The following LRRTM4 variants were observed in gnomAD, a reference collection of about 807,000 sequenced individuals.
LRRTM4 encodes leucine rich repeat transmembrane neuronal 4.
A neutral mutation model predicts 47.6 loss-of-function variants in LRRTM4; 25 were observed. That is an observed-to-expected ratio of 0.53 (90% CI 0.38 to 0.73). LRRTM4 has a LOEUF of 0.73. Among genes scored for constraint, LRRTM4 ranks in the 30% least tolerant of loss-of-function variants. LRRTM4 has a pLI of 0.00. For synonymous variants in LRRTM4, 311 were observed against 269.5 expected (o/e 1.15, Z -1.51); for missense variants, 638 against 713.4 (o/e 0.89, Z 1.20).
intron 3 of LRRTM4, among the ~76,000 whole-genome samples, chr2:76,964,670 T>A (rs746041007): frequency 2.1e-5 from 3 of 142,498 alleles, no homozygotes; most frequent in East Asian, 2.0e-4. Context: ...TCTTCCTTAC[T>A]TTAGGAAATT....
chr2:77,187,030 G>A (rs73940387), intron 3 of LRRTM4, among the ~76,000 whole-genome samples: 8,045 of 152,172 alleles, frequency 0.053, 688 homozygotes, highest in African/African-American at 0.18. Flanking sequence ...CAGTACAAGT[G>A]CAGCTGCCTC....
intron 3 of LRRTM4, among the ~76,000 whole-genome samples, chr2:77,135,219 G>C (rs1057249429): frequency 3.3e-5 from 5 of 152,206 alleles, no homozygotes; most frequent in African/African-American, 9.6e-5. Context: ...ACTACTCATA[G>C]GTTGAATAGC....
intron 3 of LRRTM4, among the ~76,000 whole-genome samples, chr2:76,788,154 A>G (rs1379199047): frequency 6.6e-6 from 1 of 152,144 alleles, no homozygotes; most frequent in African/African-American, 2.4e-5. Context: ...CTGTAGTAGG[A>G]GAACCAAGTA....
intron 3 of LRRTM4, among the ~76,000 whole-genome samples, chr2:76,908,259 T>C (rs1673921297): frequency 6.6e-6 from 1 of 152,078 alleles, no homozygotes; most frequent in Non-Finnish European, 1.5e-5. Context: ...ATTATCTCAA[T>C]AGATGCAGAA....
intron 3 of LRRTM4, among the ~76,000 whole-genome samples, chr2:77,161,373 T>C (rs1193926968): frequency 6.6e-6 from 1 of 152,122 alleles, no homozygotes; most frequent in East Asian, 1.9e-4. Context: ...CCTCTGCCAG[T>C]CAAATCATTC....
At chr2:76,824,155 G>A (rs1050496576) in intron 3 of LRRTM4, among the ~76,000 whole-genome samples, 1 of 151,518 alleles carries the variant, frequency 6.6e-6, no homozygotes, top group Non-Finnish European at 1.5e-5. Context: ...TGCAAATCGT[G>A]TCTTGTCTGG....
At chr2:77,195,631 T>C (rs1484074215) in intron 3 of LRRTM4, among the ~76,000 whole-genome samples, 3 of 152,150 alleles carry the variant, frequency 2.0e-5, no homozygotes, top group African/African-American at 7.2e-5. Context: ...ATTATGTAGA[T>C]ATATAAAATC....
intron 3 of LRRTM4, among the ~76,000 whole-genome samples, chr2:76,798,444 C>G (rs1675476630): frequency 6.6e-6 from 1 of 150,610 alleles, no homozygotes; most frequent in African/African-American, 2.4e-5. Flanking sequence ...GGGACGCATT[C>G]AAAGCAGTGT....
chr2:76,782,094 A>C (rs866906916), intron 3 of LRRTM4, among the ~76,000 whole-genome samples: 26 of 150,960 alleles, frequency 1.7e-4, no homozygotes, highest in South Asian at 4.1e-4. Context: ...ATTATATTAG[A>C]GTCCATATGT....
chr2:77,190,848 G>C (rs2103878188), intron 3 of LRRTM4, among the ~76,000 whole-genome samples: 1 of 152,258 alleles, frequency 6.6e-6, no homozygotes, highest in South Asian at 2.1e-4. Context: ...AGCCTAATAA[G>C]TGTTATGTGG....
chr2:76,982,636 A>C (rs999579642), intron 3 of LRRTM4, among the ~76,000 whole-genome samples: 1 of 152,020 alleles, frequency 6.6e-6, no homozygotes, highest in African/African-American at 2.4e-5. Context: ...GTGAGGAACC[A>C]AGAGTGAATT....
intron 3 of LRRTM4, among the ~76,000 whole-genome samples, chr2:76,928,540 G>C (rs1370944290): frequency 6.6e-6 from 1 of 152,062 alleles, no homozygotes; most frequent in Non-Finnish European, 1.5e-5. Flanking sequence ...AACATTGAGG[G>C]CAAATATGGG....
intron 3 of LRRTM4, among the ~76,000 whole-genome samples, chr2:77,433,567 A>C: frequency 6.6e-6 from 1 of 152,198 alleles, no homozygotes; most frequent in Non-Finnish European, 1.5e-5. Context: ...GTGTGTAGGA[A>C]AGCAAGATGA....
chr2:77,284,624 C>T (rs1011636399), intron 3 of LRRTM4, among the ~76,000 whole-genome samples: 4 of 152,028 alleles, frequency 2.6e-5, no homozygotes, highest in African/African-American at 4.8e-5. Flanking sequence ...CTCTATTCTG[C>T]AGGTAATTAA....
chr2:77,333,902 T>C (rs1014753893), intron 3 of LRRTM4, among the ~76,000 whole-genome samples: 14 of 152,226 alleles, frequency 9.2e-5, no homozygotes, highest in Non-Finnish European at 7.4e-5. Context: ...ATAGTGGCTG[T>C]ACCCTGCAAA....
intron 3 of LRRTM4, among the ~76,000 whole-genome samples, chr2:76,945,773 GTA>G (rs1491012514): frequency 2.0e-5 from 3 of 146,636 alleles, no homozygotes; most frequent in South Asian, 2.5e-4. Context: ...GTGTGTGTGT[GTA>G]TGTGTATGTA....
intron 3 of LRRTM4, among the ~76,000 whole-genome samples, chr2:77,148,669 A>G (rs1672338247): frequency 6.6e-6 from 1 of 152,188 alleles, no homozygotes; most frequent in Non-Finnish European, 1.5e-5. Context: ...AAAAAAGGGA[A>G]TAGAAAGCCC....
intron 3 of LRRTM4, among the ~76,000 whole-genome samples, chr2:77,457,993 A>C (rs1452244950): frequency 6.6e-6 from 1 of 152,184 alleles, no homozygotes; most frequent in African/African-American, 2.4e-5. Flanking sequence ...AGGGACCCCA[A>C]ATTGGATGGC....
chr2:77,212,272 G>A (rs548532983), intron 3 of LRRTM4, among the ~76,000 whole-genome samples: 65 of 137,726 alleles, frequency 4.7e-4, no homozygotes, highest in Non-Finnish European at 8.7e-4. Flanking sequence ...TCTGAGAAAT[G>A]TTAAGCACTA....
Sources: gnomAD v4.1 joint callset for allele counts (sites outside exome capture counted in the v4.1 genomes callset) on GRCh38, gnomAD v4.1.1 for gene constraint, MANE v1.5 for transcripts, NCBI Gene and HGNC (gene_info 2026-07-23, HGNC 2026-07-21) for gene names.